Variants in MAP3K4 observed in about 807,000 individuals in gnomAD.
MAP3K4 encodes MAP three kinase 1.
In MAP3K4, 67 loss-of-function variants were observed where a neutral mutation model predicts 185.6. The ratio of observed to expected loss-of-function variants is 0.36; its 90% CI spans 0.30 to 0.44. MAP3K4 has a LOEUF of 0.44. MAP3K4 is among the 20% of genes least tolerant of loss of function. The probability of loss-of-function intolerance (pLI) is 1.00; values close to 1 mark genes in which losing one functional copy is unlikely to be tolerated. For synonymous variants in MAP3K4, 702 were observed against 710.4 expected, an observed-to-expected ratio of 0.99 and a Z score of 0.19; for missense variants, 1,551 against 1,995.1, an observed-to-expected ratio of 0.78 and a Z score of 4.24.
intron 2 of MAP3K4, among the ~76,000 whole-genome samples, chr6:161,035,566 C>G (rs1182886476): frequency 1.3e-5 from 2 of 152,164 alleles, no homozygotes; most frequent in African/African-American, 4.8e-5. Flanking sequence ...AATGATTTTT[C>G]CACATAAGAT....
Position 161,112,069 on chromosome 6 carries a change from T to A in MAP3K4, c.4519+111T>A. The A allele has an allele frequency of 2.8e-6, 4 of 1,420,514 alleles. No individual in the cohort carries two copies. Among genetic ancestry groups the A allele is most frequent in the Non-Finnish European group, 3.8e-6 (4 of 1,055,866 alleles). The allele number at this position is 1,420,514 out of a possible 1,614,324, so 88.0% of individuals were successfully genotyped here. ...GTAGAGATGGGAGAGCAGGTAAAGG[T>A]TTTCAGTCGTGAGAAGGACCACTTC... On this transcript the variant is annotated intron_variant, in intron 24 of 26. Transcript: ENST00000392142. This position sits in a 1 kb window ranked among gnomAD's most constrained non-coding sequence, Gnocchi z 5.1.
At chr6:161,078,536 A>G (rs542094922) in intron 5 of MAP3K4, among the ~76,000 whole-genome samples, 2 of 152,364 alleles carry the variant, frequency 1.3e-5, no homozygotes, top group Admixed American at 1.3e-4. Flanking sequence ...TTGCAGTGGT[A>G]GTGGTTGAAC....
In MAP3K4 at chr6:161,111,854, C is replaced by T. The variant is rs753891508; in HGVS notation, c.4415C>T (p.Thr1472Ile). 6.2e-7 allele frequency: 1 copy of T among 1,613,380 alleles called. No homozygotes were observed. The highest frequency in any genetic ancestry group is 8.5e-7 in the Non-Finnish European group (1 of 1,179,598). The change falls in exon 24 of 27, where the codon ACC becomes ATC. Residue 1472 changes from threonine (T) to isoleucine (I), a missense_variant. Physicochemically the swap from Thr to Ile is moderately conservative, Grantham distance 89. Transcript: ENST00000392142. ...RDIKGANIFL[T>I]SSGLIKLGDF... ...TTTTTAGGTGCCAATATCTTCCTTA[C>T]CTCATCTGGATTAATCAAACTGGGA... is the stretch of plus-strand genomic sequence containing the variant.
Position 161,115,338 on chromosome 6 carries a change from A to G in MAP3K4, c.4806+36A>G, listed in dbSNP as rs775966445. The G allele has an allele frequency of 1.3e-5, 20 of 1,561,922 alleles. No homozygotes were observed. Among genetic ancestry groups the G allele is most frequent in the Non-Finnish European group, 1.7e-5 (20 of 1,148,754 alleles). On this transcript the variant is annotated intron_variant, in intron 26 of 26. Coordinates refer to ENST00000392142, the MANE Select transcript of MAP3K4 (RefSeq NM_005922.4). This position sits in a 1 kb window ranked among gnomAD's most constrained non-coding sequence, Gnocchi z 6.0. Reference sequence around the variant, plus strand: ...TTACTGGATAGTCTTTTTCATGTTTAAGTGTTTAAGTTCTGTTTTGCATCA... The same window carrying G: ...TTACTGGATAGTCTTTTTCATGTTTGAGTGTTTAAGTTCTGTTTTGCATCA...
intron 1 of MAP3K4, among the ~76,000 whole-genome samples, chr6:161,018,987 T>C (rs1020951122): frequency 2.0e-5 from 3 of 152,168 alleles, no homozygotes; most frequent in Admixed American, 1.3e-4. Context: ...GTAGAAACTA[T>C]GCAAAATGCA....
chr6:161,042,589 G>A (rs1250273333), intron 2 of MAP3K4, among the ~76,000 whole-genome samples: 2 of 152,256 alleles, frequency 1.3e-5, no homozygotes, highest in East Asian at 1.9e-4. Context: ...ATTTTGATAC[G>A]TTTTGGACAA....
At position 161,034,143 on chromosome 6, in the gene MAP3K4, C is replaced by A; in HGVS notation, c.153-116C>A. The A allele has an allele frequency of 2.6e-6, 2 of 783,034 alleles. No homozygotes were observed. The highest frequency in any genetic ancestry group is 2.1e-5 in the South Asian group (1 of 47,244). 48.5% of individuals were successfully genotyped at this position (783,034 alleles called of 1,614,324 possible). ...GGTAAAAATGAGGAGGAGCACAGTG[C>A]TGAAGAGATTTTTCTGTACAAAAGT... On this transcript the variant is annotated intron_variant, in intron 1 of 26. Coordinates refer to ENST00000392142, the MANE Select transcript of MAP3K4 (RefSeq NM_005922.4). This position sits in a 1 kb window ranked among gnomAD's most constrained non-coding sequence, Gnocchi z 4.4.
rs1001476234 is a variant in MAP3K4, at chr6:161,100,438, T to G, written c.3675-1454T>G. Among the ~76,000 whole-genome samples the G allele has an allele frequency of 6.6e-6, 1 of 152,350 alleles. No homozygotes were observed. The highest frequency in any genetic ancestry group is 2.4e-5 in the African/African-American group (1 of 41,584). On this transcript the variant is annotated intron_variant, in intron 17 of 26. Transcript: ENST00000392142. This position sits in a 1 kb window ranked among gnomAD's most constrained non-coding sequence, Gnocchi z 5.8. ...TTGATTTTACTTGACCTAGGAAATATCTGTTCTGGGCTTAAGTTATCTTAT... is the reference window on the plus strand; with the variant it reads ...TTGATTTTACTTGACCTAGGAAATAGCTGTTCTGGGCTTAAGTTATCTTAT...
chr6:161,095,834 G>A (rs1024026576), intron 15 of MAP3K4, among the ~76,000 whole-genome samples: 1 of 152,156 alleles, frequency 6.6e-6, no homozygotes, highest in Non-Finnish European at 1.5e-5. Flanking sequence ...TTCCAATGAA[G>A]TGGAAAGTTT....
rs540459594 is a variant in MAP3K4, at chr6:161,047,150, A to T, written c.344-1466A>T. 1.2e-3 allele frequency among the ~76,000 whole-genome samples: 179 copies of T among 145,854 alleles called. 1 individual carries two copies. Among genetic ancestry groups the T allele is most frequent in the African/African-American group, 1.9e-3 (74 of 39,308 alleles). On this transcript the variant is annotated intron_variant, in intron 2 of 26. Transcript: ENST00000392142. ...TATATATATATATATATATATGTTT[A>T]AAAAAATGGGCCAGGCATAGTGGCT...
intron 25 of MAP3K4, among the ~76,000 whole-genome samples, chr6:161,113,383 C>T (rs1013281866): frequency 2.0e-5 from 3 of 152,166 alleles, no homozygotes; most frequent in Non-Finnish European, 2.9e-5. Context: ...AACAGAGAGA[C>T]GAGTAAGTGG....
In MAP3K4 at chr6:161,108,446, G is replaced by A. The variant is rs1423545655; in HGVS notation, c.4120-297G>A. On this transcript the variant is annotated intron_variant, in intron 21 of 26. Coordinates refer to ENST00000392142, the MANE Select transcript of MAP3K4 (RefSeq NM_005922.4). This position sits in a 1 kb window ranked among gnomAD's most constrained non-coding sequence, Gnocchi z 5.7. ...GACGTGGAAGGAGGAGAGGAGTGGA[G>A]AGGGGAGGCTCCAGCGTCTTGCACT... Among the ~76,000 whole-genome samples the A allele has an allele frequency of 6.6e-6, 1 of 152,132 alleles. No individual in the cohort carries two copies. The highest frequency in any genetic ancestry group is 2.4e-5 in the African/African-American group (1 of 41,436).
In MAP3K4 at chr6:161,079,216, G is replaced by GAAA. The variant is rs71004026; in HGVS notation, c.2098-1649_2098-1647dup. On this transcript the variant is annotated intron_variant, in intron 5 of 26. Transcript: ENST00000392142. ...GAAACAGAGCAGGACCCTGTCTCAA[G>GAAA]AAAAAAAAAAAAAAAAAAGCAGTGG... 6.7e-3 allele frequency among the ~76,000 whole-genome samples: 772 copies of GAAA among 115,970 alleles called. 27 individuals carry two copies. Among genetic ancestry groups the GAAA allele is most frequent in the Non-Finnish European group, 7.0e-3 (420 of 59,870 alleles). 76.1% of individuals were successfully genotyped at this position (115,970 alleles called of 152,430 possible).
chr6:161,026,957 TTATA>T (rs1562489911), intron 1 of MAP3K4, among the ~76,000 whole-genome samples: 1 of 152,112 alleles, frequency 6.6e-6, no homozygotes, highest in Admixed American at 6.5e-5. Context: ...ATTCGTCTCT[TTATA>T]TATATTTGTT....
Position 161,076,385 on chromosome 6 carries a change from T to C in MAP3K4, c.2097+2773T>C, listed in dbSNP as rs1456440720. Among the ~76,000 whole-genome samples the C allele has an allele frequency of 6.6e-6, 1 of 152,166 alleles. No homozygotes were observed. The highest frequency in any genetic ancestry group is 1.5e-5 in the Non-Finnish European group (1 of 68,028). On this transcript the variant is annotated intron_variant, in intron 5 of 26. Transcript: ENST00000392142. The surrounding 1 kb of genome is among the most constrained non-coding windows in gnomAD (Gnocchi z 4.2). ...TAGCAGGGGGAGGGGAAGCAGTGAT[T>C]AGCAAGTTATGATGCAGAAATTCTG... is the stretch of plus-strand genomic sequence containing the variant.
At position 161,113,761 on chromosome 6, in the gene MAP3K4, A is replaced by AT. The variant is rs71724907; in HGVS notation, c.4626+998dup. Among the ~76,000 whole-genome samples, 115 of 92,820 alleles carry AT rather than the reference A, an allele frequency of 1.2e-3. 1 individual carries two copies. The highest frequency in any genetic ancestry group is 1.7e-3 in the South Asian group (5 of 2,876). The allele number at this position is 92,820 out of a possible 152,430, so 60.9% of individuals were successfully genotyped here. On this transcript the variant is annotated intron_variant, in intron 25 of 26. Coordinates refer to ENST00000392142, the MANE Select transcript of MAP3K4 (RefSeq NM_005922.4). ...AGAATTATATATTTAAATTGAAATC[A>AT]TTTTTTTTTTTACTTAGCATATGAG... is the stretch of plus-strand genomic sequence containing the variant.
Position 161,086,767 on chromosome 6 carries a change from G to GCCTTCAGA in MAP3K4, c.2556+100_2556+101insCCTTCAGA. 1 of 846,676 alleles carries GCCTTCAGA rather than the reference G, an allele frequency of 1.2e-6. No homozygotes were observed. The highest frequency in any genetic ancestry group is 1.8e-6 in the Non-Finnish European group (1 of 541,028). The allele number at this position is 846,676 out of a possible 1,614,324, so 52.4% of individuals were successfully genotyped here. ...GAAGGTCCAGATAGTAAATATTACA[G>GCCTTCAGA]GCTCTGAAGGCTGTACCACAACCCC... On this transcript the variant is annotated intron_variant, in intron 9 of 26. Transcript: ENST00000392142. This position sits in a 1 kb window ranked among gnomAD's most constrained non-coding sequence, Gnocchi z 4.8.
In MAP3K4 at chr6:161,112,698, C is replaced by A; in HGVS notation, c.4550C>A (p.Ala1517Asp). Residue 1517 changes from alanine (A) to aspartate (D), a missense_variant, in exon 25 of 27, where the codon GCC (alanine) becomes GAC (aspartate). Transcript: ENST00000392142. This position sits in a 1 kb window ranked among gnomAD's most constrained non-coding sequence, Gnocchi z 5.1. The stretch of plus-strand genomic sequence containing the variant: ...ATGGCACCTGAAGTCATCACTCGTG[C>A]CAAAGGAGAGGGCCATGGGCGTGCG... ...AYMAPEVITR[A>D]KGEGHGRAAD... The A allele has an allele frequency of 6.2e-7, 1 of 1,603,524 alleles. No individual in the cohort carries two copies. The highest frequency in any genetic ancestry group is 1.1e-5 in the South Asian group (1 of 89,138).
Position 161,071,850 on chromosome 6 carries a change from A to G in MAP3K4, c.1950+1000A>G, listed in dbSNP as rs1784958490. ...GCTTTTAACTCATCCTCATAATCGC[A>G]GTGGTTATCTAGGACATTTTGGGAA... is the stretch of plus-strand genomic sequence containing the variant. On this transcript the variant is annotated intron_variant, in intron 4 of 26. Transcript: ENST00000392142. This position sits in a 1 kb window ranked among gnomAD's most constrained non-coding sequence, Gnocchi z 4.6. Among the ~76,000 whole-genome samples, 1 of 152,160 alleles carries G rather than the reference A, an allele frequency of 6.6e-6. No homozygotes were observed. The highest frequency in any genetic ancestry group is 1.9e-4 in the East Asian group (1 of 5,196).
Sources: allele counts gnomAD v4.1 joint callset (sites outside exome capture counted in the v4.1 genomes callset), GRCh38; gene constraint gnomAD v4.1.1; non-coding constraint Gnocchi (gnomAD v3.1); transcripts MANE v1.5; gene names NCBI Gene and HGNC (gene_info 2026-07-23, HGNC 2026-07-21).